The following PPP2R5C variants were observed in gnomAD, a reference collection of about 807,000 sequenced individuals.
PPP2R5C encodes the protein protein phosphatase 2 regulatory subunit B'gamma.
In PPP2R5C, 7 loss-of-function variants were observed where a neutral mutation model predicts 68.9. The ratio of observed to expected loss-of-function variants is 0.10; its 90% CI spans 0.06 to 0.19. The LOEUF is 0.19. Among genes scored for constraint, PPP2R5C ranks in the 10% least tolerant of loss-of-function variants. PPP2R5C has a pLI of 1.00. For missense variants in PPP2R5C, 348 were observed against 641.3 expected (o/e 0.54, Z 4.94); for synonymous variants, 210 against 222.2 (o/e 0.95, Z 0.49).
intron 2 of PPP2R5C, among the ~76,000 whole-genome samples, chr14:101,863,867 C>A (rs956055685): frequency 6.6e-6 from 1 of 152,134 alleles, no homozygotes; most frequent in African/African-American, 2.4e-5. Context: ...CACTGCACTC[C>A]AGCCTGCGCA....
Position 101,899,551 on chromosome 14 carries a change from C to T in PPP2R5C, c.853-2168C>T, listed in dbSNP as rs940466961. Among the ~76,000 whole-genome samples the T allele has an allele frequency of 4.6e-5, 7 of 152,198 alleles. No homozygotes were observed. Among genetic ancestry groups the T allele is most frequent in the African/African-American group, 1.7e-4 (7 of 41,446 alleles). ...TCCAAACAATGTGAACAGGAAGGCC[C>T]GTGTGTGAATCCGATCCCAGAAATG... On this transcript the variant is annotated intron_variant, in intron 8 of 13. Coordinates refer to ENST00000334743, the Ensembl canonical transcript of PPP2R5C. This position sits in a 1 kb window ranked among gnomAD's most constrained non-coding sequence, Gnocchi z 4.2.
intron 3 of PPP2R5C, chr14:101,883,043 G>A (rs915968525): frequency 2.4e-5 from 12 of 498,438 alleles, no homozygotes; most frequent in Admixed American, 7.6e-5. Flanking sequence ...TTTAAATGCC[G>A]TTTAAGGGTG....
At chr14:101,896,819 T>G (rs1215381358) in intron 8 of PPP2R5C, among the ~76,000 whole-genome samples, 1 of 152,178 alleles carries the variant, frequency 6.6e-6, no homozygotes, top group Non-Finnish European at 1.5e-5. Flanking sequence ...AAAGTAGATC[T>G]TGTCACTCCT....
intron 12 of PPP2R5C, chr14:101,914,376 G>A (rs774766167): frequency 3.8e-6 from 1 of 259,954 alleles, no homozygotes; most frequent in East Asian, 9.9e-5. Context: ...CTCTGGCCTC[G>A]TACTTGCTTC....
chr14:101,884,301 T>C (rs990625695), intron 5 of PPP2R5C, among the ~76,000 whole-genome samples: 5 of 152,266 alleles, frequency 3.3e-5, no homozygotes, highest in Admixed American at 3.3e-4. Context: ...TGGGTCTGCG[T>C]CTCCCAGTCC....
intron 1 of PPP2R5C, among the ~76,000 whole-genome samples, chr14:101,823,180 G>T (rs1345783739): frequency 6.6e-6 from 1 of 152,124 alleles, no homozygotes; most frequent in Non-Finnish European, 1.5e-5. Context: ...GAGTTCTTTG[G>T]CAGGAAATGG....
chr14:101,800,653 A>G (rs979144776), intron 3 of PPP2R5C, among the ~76,000 whole-genome samples: 1 of 113,984 alleles, frequency 8.8e-6, no homozygotes, highest in Non-Finnish European at 1.9e-5. Context: ...AGCAATACCA[A>G]AAAAAAAAAA....
chr14:101,901,607 C>G, intron 8 of PPP2R5C, 112 bp from the exon 11 acceptor site: 1 of 1,034,970 alleles, frequency 9.7e-7, no homozygotes, highest in Non-Finnish European at 1.5e-6. Flanking sequence ...ATGGCACCAT[C>G]TCCGTGTGTT....
upstream of PPP2R5C, among the ~76,000 whole-genome samples, chr14:101,805,555 A>G (rs1025729464): frequency 6.6e-6 from 1 of 152,238 alleles, no homozygotes; most frequent in Admixed American, 6.5e-5. Flanking sequence ...CTTGTTGGAT[A>G]TACACCCAAA....
At chr14:101,881,547 G>T in intron 2 of PPP2R5C, among the ~76,000 whole-genome samples, 1 of 152,220 alleles carries the variant, frequency 6.6e-6, no homozygotes, top group East Asian at 1.9e-4. Flanking sequence ...AAATCTAACA[G>T]CCCATGCCTG....
At chr14:101,834,544 C>T (rs1227241044) in intron 1 of PPP2R5C, among the ~76,000 whole-genome samples, 1 of 152,222 alleles carries the variant, frequency 6.6e-6, no homozygotes, top group Non-Finnish European at 1.5e-5. Flanking sequence ...AAATTCTCCT[C>T]CCAGATTCAG....
At chr14:101,765,246 C>T (rs2036791330) in intron 2 of PPP2R5C, 1 of 702,640 alleles carries the variant, frequency 1.4e-6, no homozygotes, top group Non-Finnish European at 2.6e-6. Context: ...ATAAGGATAC[C>T]AGAGGCAACC....
chr14:101,876,358 A>T (rs1390705340), intron 2 of PPP2R5C, among the ~76,000 whole-genome samples: 1 of 152,122 alleles, frequency 6.6e-6, no homozygotes. Context: ...TTTTGAACAG[A>T]GAACTGTAAA....
intron 2 of PPP2R5C, 68 bp downstream of exon 2, chr14:101,763,038 A>G: frequency 7.4e-7 from 1 of 1,345,834 alleles, no homozygotes; most frequent in Non-Finnish European, 1.0e-6. Context: ...AAAAACCGAG[A>G]GTGATAAAGC....
chr14:101,771,192 T>C (rs949591984), intron 2 of PPP2R5C, among the ~76,000 whole-genome samples: 7 of 151,206 alleles, frequency 4.6e-5, no homozygotes, highest in Non-Finnish European at 7.4e-5. Context: ...AAAAATGCTT[T>C]ATTAAGGGCA....
chr14:101,815,348 A>G (rs1402902721), intron 1 of PPP2R5C, among the ~76,000 whole-genome samples: 4 of 152,104 alleles, frequency 2.6e-5, no homozygotes, highest in African/African-American at 9.7e-5. Flanking sequence ...TTTTCTGTAC[A>G]GTGGTAATGG....
At chr14:101,873,981 C>A (rs563087646) in intron 2 of PPP2R5C, among the ~76,000 whole-genome samples, 2 of 152,340 alleles carry the variant, frequency 1.3e-5, no homozygotes, top group South Asian at 4.1e-4. Flanking sequence ...GTAGCATAAA[C>A]CTCATCCTTG....
chr14:101,806,500 A>T (rs2039085611), upstream of PPP2R5C, among the ~76,000 whole-genome samples: 1 of 152,056 alleles, frequency 6.6e-6, no homozygotes, highest in East Asian at 1.9e-4. Flanking sequence ...TTCTTTATCC[A>T]TTCTGTCATT....
intron 3 of PPP2R5C, among the ~76,000 whole-genome samples, chr14:101,798,072 C>T: frequency 6.6e-6 from 1 of 152,010 alleles, no homozygotes; most frequent in East Asian, 1.9e-4. Flanking sequence ...CTATTTTAAA[C>T]TGTGAAGTGA....
Sources: gnomAD v4.1 joint callset for allele counts (sites outside exome capture counted in the v4.1 genomes callset) on GRCh38, gnomAD v4.1.1 for gene constraint, Gnocchi (gnomAD v3.1) non-coding constraint, MANE v1.5 for transcripts, NCBI Gene and HGNC (gene_info 2026-07-23, HGNC 2026-07-21) for gene names.